MECOM: variants seen among roughly 807,000 people sequenced by gnomAD.
The protein encoded by MECOM is MDS1 and EVI1 complex locus, also known as histone-lysine N-methyltransferase MECOM.
A neutral mutation model predicts 116.3 loss-of-function variants in MECOM; 13 were observed. That is an observed-to-expected ratio of 0.11 (90% confidence interval 0.07 to 0.18). The LOEUF is 0.18. Ranked by LOEUF, MECOM falls within the 10% of genes least tolerant of loss-of-function variation. The pLI, the probability that MECOM is intolerant of heterozygous loss-of-function variation, is 1.00. For missense variants in MECOM, 1,299 were observed against 1,509.0 expected, an observed-to-expected ratio of 0.86 and a Z score of 2.31; for synonymous variants, 528 against 535.2, an observed-to-expected ratio of 0.99 and a Z score of 0.19.
intron 2 of MECOM, among the ~76,000 whole-genome samples, chr3:169,250,493 C>G (rs1387613970): frequency 2.0e-5 from 3 of 152,190 alleles, no homozygotes; most frequent in Non-Finnish European, 4.4e-5. Context: ...TCTCTTGTTT[C>G]TCGAGCAATC....
intron 1 of MECOM, among the ~76,000 whole-genome samples, chr3:169,522,003 A>G (rs1225859494): frequency 6.6e-6 from 1 of 152,222 alleles, no homozygotes; most frequent in Non-Finnish European, 1.5e-5. Flanking sequence ...TTATATGCAA[A>G]TGCTATGCCA....
intron 2 of MECOM, among the ~76,000 whole-genome samples, chr3:169,211,305 G>A (rs1750702846): frequency 6.6e-6 from 1 of 151,950 alleles, no homozygotes; most frequent in Admixed American, 6.6e-5. Flanking sequence ...TCTCAATGAT[G>A]AGATTGATTA....
At position 169,193,162 on chromosome 3, in the gene MECOM, A is replaced by AG. The variant is rs534195802; in HGVS notation, c.376-49331_376-49330insC. Among the ~76,000 whole-genome samples the AG allele has an allele frequency of 2.6e-3, 391 of 152,150 alleles. 3 individuals are homozygous for AG. The highest frequency in any genetic ancestry group is 9.2e-3 in the African/African-American group (382 of 41,540). On this transcript the variant is annotated intron_variant, in intron 2 of 16. Coordinates refer to ENST00000651503, the MANE Select transcript of MECOM (RefSeq NM_004991.4). ...AATTAATTTTTAAAATTTAATAGAC[A>AG]TGAAAATCCTGCACTTAGGTTTAAG...
intron 1 of MECOM, among the ~76,000 whole-genome samples, chr3:169,650,363 G>A (rs1774735038): frequency 6.6e-6 from 1 of 152,180 alleles, no homozygotes; most frequent in East Asian, 1.9e-4. Flanking sequence ...GGATAAGGCA[G>A]TATGATAATA....
chr3:169,346,377 T>C (rs191667575), intron 2 of MECOM, among the ~76,000 whole-genome samples: 1 of 152,138 alleles, frequency 6.6e-6, no homozygotes, highest in African/African-American at 2.4e-5. Flanking sequence ...TCTGCAGGTC[T>C]CTTTTTAATT....
At chr3:169,232,856 G>T (rs1221213667) in intron 2 of MECOM, among the ~76,000 whole-genome samples, 7 of 151,956 alleles carry the variant, frequency 4.6e-5, no homozygotes, top group Non-Finnish European at 1.5e-5. Flanking sequence ...GTGCCAAGCT[G>T]ATTTTAACAA....
intron 2 of MECOM, among the ~76,000 whole-genome samples, chr3:169,200,231 T>C (rs13090630): frequency 0.096 from 14,655 of 152,140 alleles, 940 homozygotes; most frequent in Non-Finnish European, 0.14. Context: ...CTGCAATAAT[T>C]GACTAGGTTC....
At chr3:169,357,248 TACA>T (rs1040994631) in intron 2 of MECOM, among the ~76,000 whole-genome samples, 1 of 151,876 alleles carries the variant, frequency 6.6e-6, no homozygotes, top group Non-Finnish European at 1.5e-5. Flanking sequence ...ATTAAAGTGC[TACA>T]CATCACAGAT....
At chr3:169,147,189 C>G in intron 2 of MECOM, 7 of 985,506 alleles carry the variant, frequency 7.1e-6, no homozygotes, top group Non-Finnish European at 8.4e-6. Context: ...AAAACTTCTA[C>G]TTCTCCTTCC....
At chr3:169,628,136 A>G (rs1248455135) in intron 1 of MECOM, among the ~76,000 whole-genome samples, 2 of 151,978 alleles carry the variant, frequency 1.3e-5, no homozygotes, top group Non-Finnish European at 2.9e-5. Flanking sequence ...CGAGACAGAC[A>G]CCTCTCCATC....
At chr3:169,333,193 A>G (rs569052406) in intron 2 of MECOM, among the ~76,000 whole-genome samples, 2 of 152,270 alleles carry the variant, frequency 1.3e-5, no homozygotes, top group South Asian at 4.1e-4. Flanking sequence ...GGATTGGCTG[A>G]AGCCAAAAAA....
chr3:169,594,195 C>G (rs1337678701), intron 1 of MECOM, among the ~76,000 whole-genome samples: 2 of 141,852 alleles, frequency 1.4e-5, no homozygotes, highest in Non-Finnish European at 3.1e-5. Context: ...CACCTAAGTA[C>G]CTCAAGGCCC....
chr3:169,105,529 G>GA (rs1209180905), intron 10 of MECOM, among the ~76,000 whole-genome samples: 1 of 152,016 alleles, frequency 6.6e-6, no homozygotes. Context: ...TTTAAATTAT[G>GA]AAAAAATCAA....
At chr3:169,143,550 G>T in intron 3 of MECOM, 148 bp downstream of exon 3, 1 of 673,262 alleles carries the variant, frequency 1.5e-6, no homozygotes, top group Non-Finnish European at 2.2e-6. Context: ...AATTTGTTCT[G>T]CATTTTACTT....
chr3:169,376,161 T>C (rs1350499831), intron 2 of MECOM, among the ~76,000 whole-genome samples: 1 of 152,084 alleles, frequency 6.6e-6, no homozygotes, highest in African/African-American at 2.4e-5. Flanking sequence ...ATAAACTAGG[T>C]ATTGATGGAA....
At chr3:169,307,402 TGA>T (rs1355119699) in intron 2 of MECOM, among the ~76,000 whole-genome samples, 2 of 152,050 alleles carry the variant, frequency 1.3e-5, no homozygotes. Context: ...AACAATAAGG[TGA>T]GACTCTGCCT....
intron 2 of MECOM, among the ~76,000 whole-genome samples, chr3:169,243,872 A>C (rs1440672533): frequency 6.6e-6 from 1 of 152,222 alleles, no homozygotes; most frequent in Non-Finnish European, 1.5e-5. Context: ...AGAATAATAA[A>C]TTACCAAATT....
intron 1 of MECOM, among the ~76,000 whole-genome samples, chr3:169,474,182 A>G (rs189400736): frequency 2.0e-5 from 3 of 152,342 alleles, no homozygotes; most frequent in Middle Eastern, 3.4e-3. Context: ...TGCATCAATA[A>G]TAATTTCCAA....
At chr3:169,587,503 C>G (rs959274909) in intron 1 of MECOM, among the ~76,000 whole-genome samples, 7 of 151,234 alleles carry the variant, frequency 4.6e-5, no homozygotes, top group Admixed American at 1.3e-4. Context: ...TGGGCCAACT[C>G]AAACAACTGG....
Sources: gnomAD v4.1 joint callset for allele counts (sites outside exome capture counted in the v4.1 genomes callset) on GRCh38, gnomAD v4.1.1 for gene constraint, MANE v1.5 for transcripts, NCBI Gene and HGNC (gene_info 2026-07-23, HGNC 2026-07-21) for gene names.